SPTA1: variants seen among roughly 807,000 people sequenced by gnomAD.
SPTA1 encodes spectrin alpha chain, erythrocytic 1.
SPTA1 carries 177 observed loss-of-function variants against 324.7 expected under a neutral mutation model. That is an observed-to-expected ratio of 0.55 (90% CI 0.48 to 0.62). SPTA1 has a LOEUF of 0.62. Ranked by LOEUF, SPTA1 falls within the 20% of genes least tolerant of loss-of-function variation. The pLI is 0.00. For missense variants in SPTA1, 3,162 were observed against 2,883.6 expected (o/e 1.10, Z -2.21); for synonymous variants, 1,195 against 1,041.3 (o/e 1.15, Z -2.84).
intron 25 of SPTA1, among the ~76,000 whole-genome samples, chr1:158,649,334 G>T (rs2101851343): frequency 6.6e-6 from 1 of 152,344 alleles, no homozygotes; most frequent in East Asian, 1.9e-4. Context: ...AGGCTGGAGT[G>T]CAATGGCTTG....
In SPTA1 at chr1:158,651,369, G is replaced by C. The variant is rs916055609; in HGVS notation, c.3475C>G (p.Gln1159Glu). The C allele has an allele frequency of 5.0e-6, 8 of 1,610,956 alleles. No homozygotes were observed. The South Asian group carries it at 5.5e-5, about 11-fold the overall frequency. ...GGAATGGAGGGAGCCTTAGTTACCTGCCGGATTTGAGCTCCTTCTGGTGTT... is the reference window on the plus strand; with the variant it reads ...GGAATGGAGGGAGCCTTAGTTACCTCCCGGATTTGAGCTCCTTCTGGTGTT... ...LLTPEGAQIR[Q>E]ELNSRWGSLQ... The change falls in exon 24 of 52, where the codon CAG (glutamine) becomes GAG (glutamate). Residue 1159 changes from glutamine (Q) to glutamate (E), a missense_variant and splice_region_variant. Transcript: ENST00000643759.
At position 158,652,486 on chromosome 1, in the gene SPTA1, T is replaced by C. The variant is rs1652516913; in HGVS notation, c.3356A>G (p.Lys1119Arg). The C allele has an allele frequency of 1.2e-6, 2 of 1,614,034 alleles. No homozygotes were observed. The highest frequency in any genetic ancestry group is 1.3e-5 in the African/African-American group (1 of 74,944). The change falls in exon 23 of 52, where the codon AAG (lysine) becomes AGG (arginine). Residue 1119 changes from lysine to arginine, a missense_variant. By Grantham distance (26) the Lys-to-Arg change is conservative (BLOSUM62 2). Transcript: ENST00000643759. ...TCTCACCTTTTGGAACTCATCAAAC[T>C]TTTTCTGCAGCTCCCAAACATCATC... is the stretch of plus-strand genomic sequence containing the variant. ...ELDDVWELQKKFDEFQKDLNT... is the reference protein window; with the variant it reads ...ELDDVWELQKRFDEFQKDLNT...
intron 26 of SPTA1, 76 bp from the exon 27 acceptor site, chr1:158,647,796 C>T (rs1652111613): frequency 6.7e-7 from 1 of 1,487,610 alleles, no homozygotes; most frequent in Non-Finnish European, 9.3e-7. Context: ...TCCTGAGTCC[C>T]AGTATTCAGC....
chr1:158,676,700 T>C (rs1654415414), intron 7 of SPTA1, among the ~76,000 whole-genome samples: 1 of 152,152 alleles, frequency 6.6e-6, no homozygotes, highest in Non-Finnish European at 1.5e-5. Flanking sequence ...TAAATATTAC[T>C]GTGGGAGGCA....
Position 158,645,539 on chromosome 1 carries a change from C to T in SPTA1, c.3952G>A (p.Ala1318Thr). 3 of 1,613,988 alleles carry T rather than the reference C, an allele frequency of 1.9e-6. No individual in the cohort carries two copies. The highest frequency in any genetic ancestry group is 2.2e-5 in the East Asian group (1 of 44,872). ...ATCTCTATGCCAGTTAAGTCTTCGGCCAGCTCCTGTGATGATACCATGCCA... is the reference window on the plus strand; with the variant it reads ...ATCTCTATGCCAGTTAAGTCTTCGGTCAGCTCCTGTGATGATACCATGCCA... ...IGGMVSSQEL[A>T]EDLTGIEILL... Residue 1318 changes from alanine to threonine, a missense_variant, in exon 28 of 52, where the codon GCC (alanine) becomes ACC (threonine). Transcript: ENST00000643759.
At chr1:158,631,660 A>G (rs971186659) in intron 39 of SPTA1, among the ~76,000 whole-genome samples, 2 of 152,184 alleles carry the variant, frequency 1.3e-5, no homozygotes, top group Non-Finnish European at 2.9e-5. Context: ...AAATTTCCCT[A>G]AAAAGGCATG....
chr1:158,667,807 T>C, intron 15 of SPTA1, 51 bp downstream of exon 15: 1 of 1,580,048 alleles, frequency 6.3e-7, no homozygotes, highest in Non-Finnish European at 8.6e-7. Context: ...ATAAAGGTAG[T>C]AGATTTCAGA....
At position 158,611,055 on chromosome 1, in the gene SPTA1, T is replaced by C; in HGVS notation, c.*209A>G. On this transcript the variant is annotated 3_prime_UTR_variant, in exon 52 of 52. Transcript: ENST00000643759. ...ACAAAATAGCTTCCACTCCTCCAAC[T>C]CTATTAACCTTTCTATCTCCCACCC... 3.2e-6 allele frequency: 2 copies of C among 627,962 alleles called. No individual in the cohort carries two copies. The highest frequency in any genetic ancestry group is 5.3e-5 in the Admixed American group (2 of 37,492). The allele number at this position is 627,962 out of a possible 1,614,324, so 38.9% of individuals were successfully genotyped here.
intron 14 of SPTA1, among the ~76,000 whole-genome samples, chr1:158,668,763 C>T (rs1653795572): frequency 6.6e-6 from 1 of 152,070 alleles, no homozygotes; most frequent in Non-Finnish European, 1.5e-5. Flanking sequence ...ATCTATGGCA[C>T]AGAGATAATT....
At chr1:158,616,076 C>A (rs1649538279) in intron 47 of SPTA1, among the ~76,000 whole-genome samples, 1 of 152,028 alleles carries the variant, frequency 6.6e-6, no homozygotes, top group Non-Finnish European at 1.5e-5. Flanking sequence ...AAGCTTGTAG[C>A]CTTTCAAAGG....
At chr1:158,636,511 C>G (rs1163426853) in intron 37 of SPTA1, 130 bp downstream of exon 37, 28 of 1,065,044 alleles carry the variant, frequency 2.6e-5, no homozygotes, top group Non-Finnish European at 3.5e-5. Flanking sequence ...TATTTGTAAA[C>G]TCTTTGACTA....
chr1:158,669,773 G>T lies in SPTA1; in HGVS notation c.1613C>A (p.Thr538Asn), dbSNP rs1276550863. The change falls in exon 13 of 52, where the codon ACT becomes AAT. Residue 538 changes from threonine (T) to asparagine (N), a missense_variant. Thr to Asn is a moderately conservative substitution (Grantham distance 65, BLOSUM62 0). Coordinates refer to ENST00000643759, the MANE Select transcript of SPTA1 (RefSeq NM_003126.4). ...QEEKIITVDK[T>N]ATKLIGDDHY... The stretch of plus-strand genomic sequence containing the variant: ...GTCATCACCAATCAATTTGGTTGCA[G>T]TCTTGTCTACAGTCTGAAAAAATAA... The T allele has an allele frequency of 6.2e-7, 1 of 1,614,050 alleles. No individual in the cohort carries two copies. The highest frequency in any genetic ancestry group is 2.2e-5 in the East Asian group (1 of 44,888).
Position 158,685,347 on chromosome 1 carries a change from C to G in SPTA1, c.25G>C (p.Val9Leu), listed in dbSNP as rs111321033. The change falls in exon 2 of 52, where the codon GTT becomes CTT. Residue 9 changes from valine (V) to leucine (L), a missense_variant and splice_region_variant. Physicochemically the swap from Val to Leu is conservative, Grantham distance 32. Coordinates refer to ENST00000643759, the MANE Select transcript of SPTA1 (RefSeq NM_003126.4). ...ACCTTTGGCCCACTGCTCTCCACAA[C>G]CTGCAAGTTAAAAAGATTCTGTTAC... MEQFPKET[V>L]VESSGPKVLE... 3.7e-6 allele frequency: 6 copies of G among 1,613,056 alleles called. No individual in the cohort carries two copies. The highest frequency in any genetic ancestry group is 2.2e-5 in the South Asian group (2 of 91,078).
chr1:158,612,557 G>GAAA lies in SPTA1; in HGVS notation c.7134+257_7134+259dup, dbSNP rs34729637. 104,441 of 418,916 alleles carry GAAA rather than the reference G, an allele frequency of 0.25. 6,948 individuals carry two copies. The highest frequency in any genetic ancestry group is 0.25 in the Non-Finnish European group (57,561 of 226,598). 25.9% of individuals were successfully genotyped at this position (418,916 alleles called of 1,614,324 possible). ...AATAAATGCTCTTTGAATTAATGAGGAAAAAAAAAAGAAATAGCCTTAAAA... is the reference window on the plus strand; with the variant it reads ...AATAAATGCTCTTTGAATTAATGAGGAAAAAAAAAAAAAGAAATAGCCTTAAAA... On this transcript the variant is annotated intron_variant, in intron 51 of 51. Coordinates refer to ENST00000643759, the MANE Select transcript of SPTA1 (RefSeq NM_003126.4).
rs756075039 is a variant in SPTA1, at chr1:158,651,423, C to A, written c.3421G>T (p.Ala1141Ser). The part of the protein sequence containing the change: ...EPRLRDINKV[A>S]DDLLFEGLLT... ...AGTCCTTCAAATAGTAGATCATCAGCTACCTTGTTGATATCCCTTAGCCGA... is the reference window on the plus strand; with the variant it reads ...AGTCCTTCAAATAGTAGATCATCAGATACCTTGTTGATATCCCTTAGCCGA... The change falls in exon 24 of 52, where the codon GCT (alanine) becomes TCT (serine). Residue 1141 changes from alanine (A) to serine (S), a missense_variant. Ala to Ser is a moderately conservative substitution (Grantham distance 99). Transcript: ENST00000643759. The A allele has an allele frequency of 1.2e-6, 2 of 1,613,958 alleles. No individual in the cohort carries two copies. Among genetic ancestry groups the A allele is most frequent in the Non-Finnish European group, 1.7e-6 (2 of 1,179,882 alleles).
At chr1:158,636,296 T>C (rs1329536417) in intron 37 of SPTA1, among the ~76,000 whole-genome samples, 1 of 152,118 alleles carries the variant, frequency 6.6e-6, no homozygotes, top group Admixed American at 6.5e-5. Flanking sequence ...CTATTCATGG[T>C]CACAGAGTGA....
chr1:158,653,483 A>G, intron 21 of SPTA1, 58 bp from the exon 22 acceptor site: 2 of 1,608,064 alleles, frequency 1.2e-6, no homozygotes, highest in Non-Finnish European at 1.7e-6. Context: ...AACAAACGGG[A>G]GAGACTTCAA....
chr1:158,669,618 G>T (rs1653865158), intron 13 of SPTA1, 55 bp from the exon 14 acceptor site: 1 of 1,614,072 alleles, frequency 6.2e-7, no homozygotes, highest in Non-Finnish European at 8.5e-7. Flanking sequence ...GGACATGTGA[G>T]ATTCGCTGAC....
intron 14 of SPTA1, 136 bp downstream of exon 14, chr1:158,669,272 T>C: frequency 7.9e-7 from 1 of 1,269,524 alleles, no homozygotes; most frequent in Non-Finnish European, 1.1e-6. Flanking sequence ...TTCATTGCCC[T>C]TTTCTGAGCC....
Sources: gnomAD v4.1 joint callset for allele counts (sites outside exome capture counted in the v4.1 genomes callset) on GRCh38, gnomAD v4.1.1 for gene constraint, MANE v1.5 for transcripts, NCBI Gene and HGNC (gene_info 2026-07-23, HGNC 2026-07-21) for gene names.